NECAP2: variants seen among roughly 807,000 people sequenced by gnomAD.
NECAP2 encodes the protein NECAP endocytosis associated 2.
In NECAP2, 38 loss-of-function variants were observed where a neutral mutation model predicts 37.8. That is an observed-to-expected ratio of 1.01 (90% CI 0.78 to 1.32). The LOEUF (loss-of-function observed/expected upper bound fraction) is 1.32, where lower values mean the gene tolerates loss of function less well. Ranked by LOEUF, NECAP2 falls within the 40% of genes most tolerant of loss-of-function variation. The pLI is 0.00. For missense variants in NECAP2, 316 were observed against 334.5 expected (o/e 0.94, Z 0.43); for synonymous variants, 121 against 127.7 (o/e 0.95, Z 0.35).
rs2086978229 is a variant in NECAP2 at position 16,459,357 on chromosome 1, G to A, written c.*467G>A. On this transcript the variant is annotated 3_prime_UTR_variant, in exon 8 of 8. Transcript: ENST00000337132. The stretch of plus-strand genomic sequence containing the variant: ...TTCAGTCCATCTGCCCTCCAGAGGA[G>A]GGGTTTCTTCCTGATTTTTAGCAGG... 3 of 159,628 alleles carry A rather than the reference G, an allele frequency of 1.9e-5. No homozygotes were observed. Among genetic ancestry groups the A allele is most frequent in the African/African-American group, 4.8e-5 (2 of 41,690 alleles). 9.9% of individuals were successfully genotyped at this position (159,628 alleles called of 1,614,324 possible). A position where few individuals can be genotyped will look rare whatever the true frequency, so the allele number is the denominator to read the frequency against.
chr1:16,448,655 G>A (rs1279987925), intron 4 of NECAP2, among the ~76,000 whole-genome samples: 1 of 152,122 alleles, frequency 6.6e-6, no homozygotes, highest in Non-Finnish European at 1.5e-5. Context: ...ATGGAGGGTG[G>A]GGGACTTTTG....
chr1:16,444,711 A>G (rs1487283473), intron 2 of NECAP2, among the ~76,000 whole-genome samples: 2 of 152,254 alleles, frequency 1.3e-5, no homozygotes, highest in African/African-American at 4.8e-5. Context: ...GGCAGCTGCC[A>G]TGGCCAGACC....
Position 16,458,935 on chromosome 1 carries a change from C to G in NECAP2, c.*45C>G, listed in dbSNP as rs753800439. The stretch of plus-strand genomic sequence containing the variant: ...CATGTGACTTCTGGGAAGGCGCTCC[C>G]TCATCTGGGCCAAAGGAAGGAGGAC... On this transcript the variant is annotated 3_prime_UTR_variant, in exon 8 of 8. Transcript: ENST00000337132. The G allele has an allele frequency of 1.2e-6, 2 of 1,614,024 alleles. No individual in the cohort carries two copies. The highest frequency in any genetic ancestry group is 1.6e-4 in the Middle Eastern group (1 of 6,062).
intron 3 of NECAP2, 24 bp downstream of exon 3, chr1:16,447,998 C>T: frequency 1.2e-6 from 2 of 1,613,796 alleles, no homozygotes; most frequent in Non-Finnish European, 1.7e-6. Flanking sequence ...CTGGTGCTTC[C>T]TCCTCTTGGG....
At chr1:16,444,262 G>A (rs1308711888) in intron 2 of NECAP2, among the ~76,000 whole-genome samples, 6 of 152,194 alleles carry the variant, frequency 3.9e-5, no homozygotes, top group African/African-American at 7.2e-5. Flanking sequence ...AACTTCACAA[G>A]TCCTGGGCCA....
At chr1:16,457,705 C>G (rs1468723572) in intron 7 of NECAP2, among the ~76,000 whole-genome samples, 3 of 126,628 alleles carry the variant, frequency 2.4e-5, no homozygotes, top group African/African-American at 6.5e-5. Context: ...TATAGTAATT[C>G]TGTTTTTTTT....
At chr1:16,452,070 T>C in intron 6 of NECAP2, 55 bp downstream of exon 6, 1 of 1,490,076 alleles carries the variant, frequency 6.7e-7, no homozygotes, top group Non-Finnish European at 9.0e-7. Context: ...CTCTTCTCCC[T>C]GGCAGCCAGG....
intron 6 of NECAP2, among the ~76,000 whole-genome samples, chr1:16,453,725 G>A (rs577534237): frequency 2.1e-4 from 32 of 152,216 alleles, no homozygotes; most frequent in African/African-American, 7.7e-4. Context: ...CTGACCTCGT[G>A]ATCTGCCCGC....
chr1:16,446,388 A>G (rs2086762873), intron 2 of NECAP2, among the ~76,000 whole-genome samples: 1 of 151,866 alleles, frequency 6.6e-6, no homozygotes, highest in South Asian at 2.1e-4. Flanking sequence ...GCAACATATC[A>G]AGACCCTATC....
chr1:16,453,356 G>A (rs2086873725), intron 6 of NECAP2, among the ~76,000 whole-genome samples: 4 of 151,974 alleles, frequency 2.6e-5, no homozygotes, highest in East Asian at 1.9e-4. Flanking sequence ...TGATCCGCCC[G>A]CCTCAGCCTC....
chr1:16,459,089 G>A lies in NECAP2; in HGVS notation c.*199G>A. 3.2e-6 allele frequency: 4 copies of A among 1,260,468 alleles called. No individual in the cohort carries two copies. The highest frequency in any genetic ancestry group is 4.4e-6 in the Non-Finnish European group (4 of 919,514). The allele number at this position is 1,260,468 out of a possible 1,614,324, so 78.1% of individuals were successfully genotyped here. ...TGTCACACTGTTTCCTGGGATTCAA[G>A]TATGCAACCAGAACACAGGAGAAGA... On this transcript the variant is annotated 3_prime_UTR_variant, in exon 8 of 8. Coordinates refer to ENST00000337132, the MANE Select transcript of NECAP2 (RefSeq NM_018090.5).
intron 1 of NECAP2, among the ~76,000 whole-genome samples, chr1:16,441,799 G>A (rs1417766918): frequency 6.6e-6 from 1 of 152,112 alleles, no homozygotes; most frequent in African/African-American, 2.4e-5. Flanking sequence ...TTGTGTTACC[G>A]TGGGCTCATA....
intron 2 of NECAP2, 42 bp from the exon 3 acceptor site, chr1:16,447,828 G>GGGGGCTCAGGGCTC: frequency 1.3e-6 from 2 of 1,547,904 alleles, no homozygotes; most frequent in Non-Finnish European, 1.8e-6. Flanking sequence ...TTGGCTGGAA[G>GGGGGCTCAGGGCTC]GGGGCTCAGG....
chr1:16,446,902 A>G (rs1436330068), intron 2 of NECAP2, among the ~76,000 whole-genome samples: 1 of 151,966 alleles, frequency 6.6e-6, no homozygotes, highest in Non-Finnish European at 1.5e-5. Flanking sequence ...TCTACTAAAA[A>G]TACAAAAATT....
At position 16,453,552 on chromosome 1, in the gene NECAP2, G is replaced by A. The variant is rs148995295; in HGVS notation, c.667+1537G>A. On this transcript the variant is annotated intron_variant, in intron 6 of 7. Transcript: ENST00000337132. ...CACCCAGGCTGGAGAGCAGTGGCAT[G>A]TTCTCGGCTCACCGCAACCTCCACC... Among the ~76,000 whole-genome samples the A allele has an allele frequency of 8.3e-3, 1,261 of 151,936 alleles. 6 individuals carry two copies. Among genetic ancestry groups the A allele is most frequent in the South Asian group, 0.017 (80 of 4,812 alleles).
chr1:16,440,851 C>T lies in NECAP2; in HGVS notation c.90C>T (p.Tyr30=). The change falls in exon 1 of 8, where the codon TAC becomes TAT. Residue 30 remains tyrosine (Y), a splice_region_variant and synonymous_variant. Coordinates refer to ENST00000337132, the MANE Select transcript of NECAP2 (RefSeq NM_018090.5). ...RIPPRATNRG[Y]RAAEWQLDQP... ...CTCCGCGGGCTACCAACCGTGGCTA[C>T]AGGTGACTACCCACCGCCAGACCAG... is the stretch of plus-strand genomic sequence containing the variant. 6.2e-7 allele frequency: 1 copy of T among 1,613,216 alleles called. No individual in the cohort carries two copies. The highest frequency in any genetic ancestry group is 8.5e-7 in the Non-Finnish European group (1 of 1,179,112).
At position 16,440,948 on chromosome 1, in the gene NECAP2, A is replaced by T. The variant is rs962511796; in HGVS notation, c.92+95A>T. On this transcript the variant is annotated intron_variant, in intron 1 of 7. Transcript: ENST00000337132. ...GCGGGAACCGAGGACAGCCCTGGCC[A>T]GTTTTGGGGCGAGGGGGAGCTAATG... 6.8e-6 allele frequency: 7 copies of T among 1,031,532 alleles called. No homozygotes were observed. The Admixed American group carries it at 1.4e-4, about 20-fold the overall frequency. The allele number at this position is 1,031,532 out of a possible 1,614,324, so 63.9% of individuals were successfully genotyped here.
At chr1:16,447,206 C>T (rs752074906) in intron 2 of NECAP2, among the ~76,000 whole-genome samples, 2 of 152,142 alleles carry the variant, frequency 1.3e-5, no homozygotes, top group Non-Finnish European at 2.9e-5. Context: ...CAACAACAGA[C>T]GTCAGCACAT....
intron 2 of NECAP2, among the ~76,000 whole-genome samples, chr1:16,444,927 A>G (rs561707495): frequency 9.9e-5 from 15 of 152,216 alleles, no homozygotes; most frequent in African/African-American, 2.9e-4. Context: ...GGTTCAAGCA[A>G]TTCTCTGCCT....
Sources: allele counts gnomAD v4.1 joint callset (sites outside exome capture counted in the v4.1 genomes callset), GRCh38; gene constraint gnomAD v4.1.1; transcripts MANE v1.5; gene names NCBI Gene and HGNC (gene_info 2026-07-23, HGNC 2026-07-21).